Variants in TENM2 observed in about 807,000 individuals in gnomAD.
TENM2 encodes teneurin-2.
Under a neutral mutation model 245.2 loss-of-function variants are expected in TENM2, and 52 were observed. The ratio of observed to expected loss-of-function variants is 0.21; its 90% CI spans 0.17 to 0.27. The LOEUF (loss-of-function observed/expected upper bound fraction) is 0.27. Among genes scored for constraint, TENM2 ranks in the 10% least tolerant of loss-of-function variants. The pLI, the probability that TENM2 is intolerant of heterozygous loss-of-function variation, is 1.00. For missense variants in TENM2, 3,046 were observed against 3,666.8 expected, an observed-to-expected ratio of 0.83 and a Z score of 4.37; for synonymous variants, 1,363 against 1,438.9, an observed-to-expected ratio of 0.95 and a Z score of 1.19.
chr5:167,825,950 G>A (rs1202587964), intron 2 of TENM2, among the ~76,000 whole-genome samples: 3 of 151,500 alleles, frequency 2.0e-5, no homozygotes, highest in African/African-American at 7.3e-5. Flanking sequence ...TGTTCCCTGA[G>A]CTCCTGTGCT....
At chr5:168,154,083 C>T (rs1309829671) in intron 12 of TENM2, among the ~76,000 whole-genome samples, 4 of 140,372 alleles carry the variant, frequency 2.8e-5, no homozygotes, top group Admixed American at 8.1e-5. Context: ...GATTTCCCTC[C>T]CAAGAAGAGC....
intron 2 of TENM2, among the ~76,000 whole-genome samples, chr5:167,536,520 A>T (rs952811008): frequency 6.6e-6 from 1 of 152,184 alleles, no homozygotes; most frequent in Non-Finnish European, 1.5e-5. Flanking sequence ...CAATAAAAAA[A>T]ACAGGCTGCA....
At chr5:167,948,738 G>A (rs1561969482) in intron 3 of TENM2, 1 of 152,096 alleles carries the variant, frequency 6.6e-6, no homozygotes, top group Non-Finnish European at 1.5e-5. Flanking sequence ...GCATTATTAT[G>A]TAATTTCATA....
At chr5:167,559,202 T>C (rs1773437367) in intron 2 of TENM2, among the ~76,000 whole-genome samples, 1 of 152,214 alleles carries the variant, frequency 6.6e-6, no homozygotes, top group South Asian at 2.1e-4. Flanking sequence ...GTTGCACTTC[T>C]CAGCGTCTCA....
chr5:168,084,246 G>T (rs1792253620), intron 7 of TENM2, among the ~76,000 whole-genome samples: 1 of 152,164 alleles, frequency 6.6e-6, no homozygotes, highest in African/African-American at 2.4e-5. Context: ...TTTGGTAGAA[G>T]GATTTGTTTT....
intron 2 of TENM2, among the ~76,000 whole-genome samples, chr5:167,556,981 G>T (rs1773298499): frequency 6.6e-6 from 1 of 152,134 alleles, no homozygotes; most frequent in Non-Finnish European, 1.5e-5. Context: ...CTACCAGAAT[G>T]CACATTTCTT....
At chr5:167,324,894 T>G (rs1422580218) in intron 1 of TENM2, among the ~76,000 whole-genome samples, 1 of 152,110 alleles carries the variant, frequency 6.6e-6, no homozygotes, top group Non-Finnish European at 1.5e-5. Context: ...TCTATAAAAG[T>G]GTTCAGAGGG....
intron 3 of TENM2, among the ~76,000 whole-genome samples, chr5:167,885,193 C>T (rs1033362461): frequency 1.1e-4 from 16 of 152,048 alleles, no homozygotes; most frequent in African/African-American, 3.9e-4. Context: ...TATCCTATTG[C>T]ATAGGTTGTC....
intron 4 of TENM2, among the ~76,000 whole-genome samples, chr5:167,954,720 G>C (rs112059073): frequency 1.4e-3 from 216 of 152,224 alleles, no homozygotes; most frequent in African/African-American, 4.9e-3. Flanking sequence ...TGTGGTGTTT[G>C]GTTTTCTGTT....
chr5:167,572,072 C>T (rs1195339441), intron 2 of TENM2, among the ~76,000 whole-genome samples: 1 of 152,208 alleles, frequency 6.6e-6, no homozygotes, highest in Non-Finnish European at 1.5e-5. Context: ...TCTGCTCTGC[C>T]TTAATGATAA....
intron 2 of TENM2, among the ~76,000 whole-genome samples, chr5:167,570,293 A>G (rs1206504610): frequency 9.2e-5 from 14 of 152,134 alleles, no homozygotes; most frequent in African/African-American, 3.4e-4. Context: ...GCCGATACAT[A>G]AGATAATGAA....
chr5:167,702,422 A>G (rs1017295308), intron 2 of TENM2, among the ~76,000 whole-genome samples: 2 of 151,520 alleles, frequency 1.3e-5, no homozygotes, highest in Admixed American at 1.3e-4. Flanking sequence ...TTGCCAACAC[A>G]CTTGCTTATA....
At chr5:167,806,497 C>T (rs1353375492) in intron 2 of TENM2, among the ~76,000 whole-genome samples, 2 of 152,086 alleles carry the variant, frequency 1.3e-5, no homozygotes, top group African/African-American at 4.8e-5. Flanking sequence ...ACCCTTCTCT[C>T]CCGTGTTACC....
At chr5:168,079,479 T>C (rs570574576) in intron 7 of TENM2, among the ~76,000 whole-genome samples, 286 of 151,974 alleles carry the variant, frequency 1.9e-3, no homozygotes, top group African/African-American at 6.0e-3. Context: ...TGAATAGGAG[T>C]GGTGAGAGAG....
At chr5:167,356,818 G>T (rs1759363137) in intron 1 of TENM2, among the ~76,000 whole-genome samples, 2 of 152,286 alleles carry the variant, frequency 1.3e-5, no homozygotes, top group South Asian at 2.1e-4. Context: ...AGGCATGTTT[G>T]TCTTCATCAA....
chr5:167,290,613 C>A (rs1344273855), intron 1 of TENM2, among the ~76,000 whole-genome samples: 1 of 152,092 alleles, frequency 6.6e-6, no homozygotes, highest in East Asian at 1.9e-4. Flanking sequence ...TAGAGTGTGT[C>A]TGACTCTCTA....
At chr5:167,560,708 A>G (rs1384317256) in intron 2 of TENM2, among the ~76,000 whole-genome samples, 1 of 152,220 alleles carries the variant, frequency 6.6e-6, no homozygotes, top group African/African-American at 2.4e-5. Flanking sequence ...TAATTGGTTC[A>G]CAGAGAGCTC....
chr5:168,181,669 C>CTTTTTTTTT (rs36042366), intron 13 of TENM2, among the ~76,000 whole-genome samples: 1 of 78,892 alleles, frequency 1.3e-5, no homozygotes, highest in Non-Finnish European at 2.4e-5. Context: ...AGTTTTACTT[C>CTTTTTTTTT]TTTTTTTTTT....
At chr5:167,759,589 C>T (rs548119100) in intron 2 of TENM2, among the ~76,000 whole-genome samples, 20 of 152,088 alleles carry the variant, frequency 1.3e-4, no homozygotes, top group Admixed American at 1.0e-3. Flanking sequence ...ACCAGAGGGA[C>T]GTGAGGAGAG....
Sources: allele counts gnomAD v4.1 joint callset (sites outside exome capture counted in the v4.1 genomes callset), GRCh38; gene constraint gnomAD v4.1.1; transcripts MANE v1.5; gene names NCBI Gene and HGNC (gene_info 2026-07-23, HGNC 2026-07-21).